The following ITGA9 variants were observed in gnomAD, a reference collection of about 807,000 sequenced individuals.
ITGA9 encodes the protein integrin subunit alpha 9, also known as integrin alpha-9.
Under a neutral mutation model 127.8 loss-of-function variants are expected in ITGA9, and 56 were observed. The ratio of observed to expected loss-of-function variants is 0.44; its 90% CI spans 0.35 to 0.55. The LOEUF is 0.55. ITGA9 is among the 20% of genes least tolerant of loss of function. ITGA9 has a pLI of 0.00. For synonymous variants in ITGA9, 508 were observed against 514.5 expected (o/e 0.99, Z 0.17); for missense variants, 1,196 against 1,347.1 (o/e 0.89, Z 1.76).
At chr3:37,620,661 C>T (rs1700119203) in intron 15 of ITGA9, among the ~76,000 whole-genome samples, 1 of 152,170 alleles carries the variant, frequency 6.6e-6, no homozygotes, top group African/African-American at 2.4e-5. Context: ...TTTGCCTGGT[C>T]CTGTCACCTC....
chr3:37,624,554 C>T (rs1700158710), intron 15 of ITGA9, among the ~76,000 whole-genome samples: 1 of 152,126 alleles, frequency 6.6e-6, no homozygotes, highest in South Asian at 2.1e-4. Context: ...AGAACACAGC[C>T]TCCTGCTGCC....
chr3:37,655,969 G>GT (rs1196580187), intron 17 of ITGA9, among the ~76,000 whole-genome samples: 1 of 152,158 alleles, frequency 6.6e-6, no homozygotes, highest in African/African-American at 2.4e-5. Flanking sequence ...CCCATTGCTT[G>GT]TTTTTGTCAG....
rs1579039107 is a variant in ITGA9, at chr3:37,460,617, T to G, written c.185+8058T>G. On this transcript the variant is annotated intron_variant, in intron 1 of 27. Coordinates refer to ENST00000264741, the MANE Select transcript of ITGA9 (RefSeq NM_002207.3). Reference sequence around the variant, plus strand: ...TTTTTTTTTTTTTTTTGAGATGGAGTCTTGCTCTGTCACCCAGGCTGGAGT... The same window carrying G: ...TTTTTTTTTTTTTTTTGAGATGGAGGCTTGCTCTGTCACCCAGGCTGGAGT... Among the ~76,000 whole-genome samples the G allele has an allele frequency of 2.2e-5, 3 of 137,286 alleles. No homozygotes were observed. The Admixed American group carries it at 2.4e-4, about 11-fold the overall frequency. 90.1% of individuals were successfully genotyped at this position (137,286 alleles called of 152,430 possible).
chr3:37,512,109 CTTCCTTCCTTCTTTCTTTTCTT>C (rs1698926895), intron 8 of ITGA9, among the ~76,000 whole-genome samples: 1 of 92,892 alleles, frequency 1.1e-5, no homozygotes, highest in African/African-American at 4.8e-5. Context: ...TCCTTCCTTC[CTTCCTTCCTTCTTTCTTTTCTT>C]TTCTTTTCTT....
intron 9 of ITGA9, among the ~76,000 whole-genome samples, chr3:37,515,022 C>T (rs754704908): frequency 1.1e-4 from 17 of 152,256 alleles, no homozygotes; most frequent in Non-Finnish European, 1.6e-4. Context: ...AGTGAGAAAG[C>T]AGTCTTTTCA....
intron 15 of ITGA9, among the ~76,000 whole-genome samples, chr3:37,560,113 C>G (rs903204164): frequency 5.3e-5 from 8 of 152,046 alleles, no homozygotes; most frequent in Non-Finnish European, 1.2e-4. Flanking sequence ...CCCGCCACCC[C>G]CCGACAGGCC....
chr3:37,507,127 G>A (rs1698853423), intron 7 of ITGA9, among the ~76,000 whole-genome samples: 1 of 152,198 alleles, frequency 6.6e-6, no homozygotes, highest in African/African-American at 2.4e-5. Context: ...TGTGGAAAGA[G>A]GTTCTTCAAA....
chr3:37,755,679 A>C (rs1696644542), intron 23 of ITGA9, among the ~76,000 whole-genome samples: 1 of 152,210 alleles, frequency 6.6e-6, no homozygotes, highest in South Asian at 2.1e-4. Flanking sequence ...AATGTATTGC[A>C]GAAGAACAAA....
At chr3:37,701,963 T>C (rs1700951431) in intron 18 of ITGA9, among the ~76,000 whole-genome samples, 1 of 152,110 alleles carries the variant, frequency 6.6e-6, no homozygotes, top group African/African-American at 2.4e-5. Context: ...CATCTCTGCT[T>C]TCAGGGAGCT....
chr3:37,775,263 A>T (rs1696892589), intron 23 of ITGA9, among the ~76,000 whole-genome samples: 1 of 152,236 alleles, frequency 6.6e-6, no homozygotes, highest in Non-Finnish European at 1.5e-5. Context: ...AGCATGTGAA[A>T]AACTCAGTAT....
At chr3:37,758,052 G>C (rs112063717) in intron 23 of ITGA9, among the ~76,000 whole-genome samples, 8,516 of 151,590 alleles carry the variant, frequency 0.056, 756 homozygotes, top group African/African-American at 0.16. Flanking sequence ...GGCCGGGCGC[G>C]GTGGCTCACG....
At chr3:37,637,043 G>A (rs1446726934) in intron 16 of ITGA9, among the ~76,000 whole-genome samples, 1 of 152,204 alleles carries the variant, frequency 6.6e-6, no homozygotes, top group Non-Finnish European at 1.5e-5. Flanking sequence ...TAGCCTTGTA[G>A]TATAATTTAA....
intron 23 of ITGA9, among the ~76,000 whole-genome samples, chr3:37,762,845 A>G (rs1486409607): frequency 6.6e-6 from 1 of 152,196 alleles, no homozygotes; most frequent in African/African-American, 2.4e-5. Flanking sequence ...GGTCATGCAG[A>G]ACTAAGGCCC....
chr3:37,579,446 C>T (rs913466501), intron 15 of ITGA9, among the ~76,000 whole-genome samples: 1 of 152,094 alleles, frequency 6.6e-6, no homozygotes, highest in African/African-American at 2.4e-5. Flanking sequence ...GAGAAGATTA[C>T]AAAAGAAAAT....
Position 37,517,549 on chromosome 3 carries a change from A to C in ITGA9, c.1081A>C (p.Asn361His), listed in dbSNP as rs150482056. The C allele has an allele frequency of 6.2e-7, 1 of 1,600,186 alleles. No individual in the cohort carries two copies. The highest frequency in any genetic ancestry group is 8.5e-7 in the Non-Finnish European group (1 of 1,173,370). ...QLALTGDGAYNAHFGESIASL... is the reference protein window; with the variant it reads ...QLALTGDGAYHAHFGESIASL... ...GGCTCTGACTGGGGATGGTGCCTAC[A>C]ATGCGCACTTTGGAGAGAGCATTGC... Residue 361 changes from asparagine to histidine, a missense_variant, in exon 10 of 28, where the codon AAT becomes CAT. Asn to His is a moderately conservative substitution (Grantham distance 68). Transcript: ENST00000264741.
At chr3:37,458,440 T>A (rs1698283236) in intron 1 of ITGA9, among the ~76,000 whole-genome samples, 1 of 152,206 alleles carries the variant, frequency 6.6e-6, no homozygotes, top group South Asian at 2.1e-4. Flanking sequence ...GATTAAAGTC[T>A]CAGTCAACTC....
chr3:37,792,089 G>A (rs769889497), intron 26 of ITGA9, among the ~76,000 whole-genome samples: 4 of 152,248 alleles, frequency 2.6e-5, no homozygotes, highest in Non-Finnish European at 4.4e-5. Context: ...GCAGTGGGTG[G>A]TGAGTAGTTC....
At chr3:37,804,047 G>C (rs1349383834) in intron 27 of ITGA9, 105 bp downstream of exon 27, 27 of 1,539,770 alleles carry the variant, frequency 1.8e-5, no homozygotes, top group Non-Finnish European at 2.4e-5. Flanking sequence ...TTCCTTCATG[G>C]CACCGGTACA....
chr3:37,576,312 C>T (rs558316143), intron 15 of ITGA9, among the ~76,000 whole-genome samples: 1 of 152,228 alleles, frequency 6.6e-6, no homozygotes, highest in Non-Finnish European at 1.5e-5. Context: ...ACACGCGTAA[C>T]TTTCCTGCAG....
Sources: allele counts gnomAD v4.1 joint callset (sites outside exome capture counted in the v4.1 genomes callset), GRCh38; gene constraint gnomAD v4.1.1; transcripts MANE v1.5; gene names NCBI Gene and HGNC (gene_info 2026-07-23, HGNC 2026-07-21).